The following ADAMTS2 variants were observed in gnomAD, a reference collection of about 807,000 sequenced individuals.
ADAMTS2 encodes the protein A disintegrin and metalloproteinase with thrombospondin motifs 2.
Under a neutral mutation model 123.0 loss-of-function variants are expected in ADAMTS2, and 50 were observed. That is an observed-to-expected ratio of 0.41 (90% CI 0.32 to 0.51). ADAMTS2 has a LOEUF of 0.51. Among genes scored for constraint, ADAMTS2 ranks in the 20% least tolerant of loss-of-function variants. The pLI, the probability that ADAMTS2 is intolerant of heterozygous loss-of-function variation, is 0.35. For synonymous variants in ADAMTS2, 678 were observed against 695.4 expected (o/e 0.98, Z 0.39); for missense variants, 1,494 against 1,705.2 (o/e 0.88, Z 2.18).
Position 179,303,094 on chromosome 5 carries a change from T to C in ADAMTS2, c.535-30030A>G, listed in dbSNP as rs1756577738. 6.6e-6 allele frequency among the ~76,000 whole-genome samples: 1 copy of C among 151,956 alleles called. No homozygotes were observed. The highest frequency in any genetic ancestry group is 6.5e-5 in the Admixed American group (1 of 15,272). ...AGATTGGATTTTCTCCTCTGTGCAG[T>C]GGGCAGCCCCTGGAGGGTGGAAGAG... On this transcript the variant is annotated intron_variant, in intron 2 of 21. Transcript: ENST00000251582. This position sits in a 1 kb window ranked among gnomAD's most constrained non-coding sequence, Gnocchi z 4.7.
At position 179,197,543 on chromosome 5, in the gene ADAMTS2, GC is replaced by G. The variant is rs879476276; in HGVS notation, c.891+9969del. 1.3e-5 allele frequency among the ~76,000 whole-genome samples: 2 copies of G among 152,094 alleles called. No homozygotes were observed. The highest frequency in any genetic ancestry group is 2.9e-5 in the Non-Finnish European group (2 of 68,018). On this transcript the variant is annotated intron_variant, in intron 4 of 21. Transcript: ENST00000251582. This position sits in a 1 kb window ranked among gnomAD's most constrained non-coding sequence, Gnocchi z 4.2. The stretch of plus-strand genomic sequence containing the variant: ...CCCAGGTGATTGAGTCCACCATGCA[GC>G]ATAGCATGAACCTGTCTCTAAAACA...
At chr5:179,320,889 A>G (rs1036666598) in intron 2 of ADAMTS2, among the ~76,000 whole-genome samples, 2 of 152,194 alleles carry the variant, frequency 1.3e-5, no homozygotes, top group Non-Finnish European at 2.9e-5. Context: ...AGCTGCCTGC[A>G]TCCATTTTTC....
At chr5:179,173,767 G>T (rs1763874139) in intron 5 of ADAMTS2, among the ~76,000 whole-genome samples, 1 of 152,154 alleles carries the variant, frequency 6.6e-6, no homozygotes, top group African/African-American at 2.4e-5. Context: ...CATAACCCCA[G>T]CACTTTGGGA....
chr5:179,181,192 G>A lies in ADAMTS2; in HGVS notation c.892-37C>T, dbSNP rs779440101. ...AGGGAGGCATCAGCGGGAACCACAG[G>A]CCCTAGGACTGGCTCTGGCTCTGCC... On this transcript the variant is annotated intron_variant, in intron 4 of 21. Transcript: ENST00000251582. This position sits in a 1 kb window ranked among gnomAD's most constrained non-coding sequence, Gnocchi z 4.1. 5 of 1,489,756 alleles carry A rather than the reference G, an allele frequency of 3.4e-6. No individual in the cohort carries two copies. Among genetic ancestry groups the A allele is most frequent in the Non-Finnish European group, 3.7e-6 (4 of 1,067,208 alleles). The allele number at this position is 1,489,756 out of a possible 1,614,324, so 92.3% of individuals were successfully genotyped here.
In ADAMTS2 at chr5:179,312,038, C is replaced by T. The variant is rs1481809292; in HGVS notation, c.534+31729G>A. ...CCGCTAAGGGCATACTCTAGACCCT[C>T]TGCCCCAGGCTAATGTTAGAAGCTG... On this transcript the variant is annotated intron_variant, in intron 2 of 21. Coordinates refer to ENST00000251582, the MANE Select transcript of ADAMTS2 (RefSeq NM_014244.5). The surrounding 1 kb of genome is among the most constrained non-coding windows in gnomAD (Gnocchi z 4.2). Among the ~76,000 whole-genome samples, 1 of 152,226 alleles carries T rather than the reference C, an allele frequency of 6.6e-6. No homozygotes were observed. Among genetic ancestry groups the T allele is most frequent in the Non-Finnish European group, 1.5e-5 (1 of 68,048 alleles).
intron 3 of ADAMTS2, among the ~76,000 whole-genome samples, chr5:179,237,339 T>C (rs1408635406): frequency 6.6e-6 from 1 of 152,162 alleles, no homozygotes; most frequent in East Asian, 1.9e-4. Context: ...TTGCAATGCA[T>C]GAAGACAAAG....
At position 179,285,346 on chromosome 5, in the gene ADAMTS2, C is replaced by G. The variant is rs413912; in HGVS notation, c.535-12282G>C. Among the ~76,000 whole-genome samples the G allele has an allele frequency of 0.17, 26,019 of 152,224 alleles. 2,662 individuals carry two copies. Among genetic ancestry groups the G allele is most frequent in the South Asian group, 0.28 (1,328 of 4,824 alleles). ...GGGGAAAATGGAATAAACAAGATGCCGACAAGAATGCCTCACGGGGCCAGC... is the reference window on the plus strand; with the variant it reads ...GGGGAAAATGGAATAAACAAGATGCGGACAAGAATGCCTCACGGGGCCAGC... On this transcript the variant is annotated intron_variant, in intron 2 of 21. Coordinates refer to ENST00000251582, the MANE Select transcript of ADAMTS2 (RefSeq NM_014244.5). The surrounding 1 kb of genome is among the most constrained non-coding windows in gnomAD (Gnocchi z 4.9).
rs1381717388 is a variant in ADAMTS2, at chr5:179,312,037, T to G, written c.534+31730A>C. Among the ~76,000 whole-genome samples, 3 of 152,186 alleles carry G rather than the reference T, an allele frequency of 2.0e-5. No individual in the cohort carries two copies. The highest frequency in any genetic ancestry group is 1.3e-4 in the Admixed American group (2 of 15,280). On this transcript the variant is annotated intron_variant, in intron 2 of 21. Transcript: ENST00000251582. This position sits in a 1 kb window ranked among gnomAD's most constrained non-coding sequence, Gnocchi z 4.2. ...GCCGCTAAGGGCATACTCTAGACCC[T>G]CTGCCCCAGGCTAATGTTAGAAGCT...
chr5:179,297,802 T>C (rs578119199), intron 2 of ADAMTS2, among the ~76,000 whole-genome samples: 19 of 152,252 alleles, frequency 1.2e-4, no homozygotes, highest in African/African-American at 4.6e-4. Context: ...TCGCCTCCCC[T>C]GCTGCGTCTT....
Position 179,158,618 on chromosome 5 carries a change from C to T in ADAMTS2, c.1132+105G>A, listed in dbSNP as rs948160503. 76 of 1,529,818 alleles carry T rather than the reference C, an allele frequency of 5.0e-5. No individual in the cohort carries two copies. In the South Asian group the frequency reaches 6.0e-4, roughly 12 times the overall value. 94.8% of individuals were successfully genotyped at this position (1,529,818 alleles called of 1,614,324 possible). A position where few individuals can be genotyped will look rare whatever the true frequency, so the allele number is the denominator to read the frequency against. ...TAAGGTGGCCACGGCCTTCCCTGCC[C>T]TGACACTCTTCCCTGGGCTGGGCCA... On this transcript the variant is annotated intron_variant, in intron 6 of 21. Coordinates refer to ENST00000251582, the MANE Select transcript of ADAMTS2 (RefSeq NM_014244.5). This position sits in a 1 kb window ranked among gnomAD's most constrained non-coding sequence, Gnocchi z 5.0.
intron 10 of ADAMTS2, among the ~76,000 whole-genome samples, chr5:179,149,427 AGC>A (rs1323715816): frequency 1.3e-5 from 2 of 152,194 alleles, no homozygotes; most frequent in African/African-American, 4.8e-5. Context: ...CTGTTAGAGC[AGC>A]CGAAGCTGAG....
intron 2 of ADAMTS2, among the ~76,000 whole-genome samples, chr5:179,280,016 G>C (rs1467773760): frequency 1.3e-5 from 2 of 152,206 alleles, no homozygotes; most frequent in Non-Finnish European, 2.9e-5. Flanking sequence ...CCCTTGTCTA[G>C]GGCTCTGTCT....
chr5:179,249,769 T>C (rs567805770), intron 3 of ADAMTS2, among the ~76,000 whole-genome samples: 1 of 152,134 alleles, frequency 6.6e-6, no homozygotes, highest in East Asian at 1.9e-4. Context: ...AAACTCCCAA[T>C]AAAGAAAAAC....
chr5:179,319,056 A>C (rs1757082784), intron 2 of ADAMTS2, among the ~76,000 whole-genome samples: 1 of 152,182 alleles, frequency 6.6e-6, no homozygotes, highest in South Asian at 2.1e-4. Context: ...CCCTCAACAC[A>C]CAGGCCCCCA....
Position 179,320,387 on chromosome 5 carries a change from G to A in ADAMTS2, c.534+23380C>T, listed in dbSNP as rs561571621. Reference sequence around the variant, plus strand: ...CAGTGGCACGATCTTGACTCACTGCGAGCTCCACCTCCTGGGTTCACACCA... The same window carrying A: ...CAGTGGCACGATCTTGACTCACTGCAAGCTCCACCTCCTGGGTTCACACCA... On this transcript the variant is annotated intron_variant, in intron 2 of 21. Coordinates refer to ENST00000251582, the MANE Select transcript of ADAMTS2 (RefSeq NM_014244.5). Among the ~76,000 whole-genome samples the A allele has an allele frequency of 1.1e-4, 16 of 152,170 alleles. No homozygotes were observed. The South Asian group carries it at 1.2e-3, about 12-fold the overall frequency.
At chr5:179,344,688 C>G (rs1757888756) in intron 1 of ADAMTS2, among the ~76,000 whole-genome samples, 1 of 152,234 alleles carries the variant, frequency 6.6e-6, no homozygotes, top group Non-Finnish European at 1.5e-5. Flanking sequence ...CCAGCTCCCG[C>G]TCAGCCCGCT....
In ADAMTS2 at chr5:179,228,046, GGGA is replaced by G. The variant is rs955788105; in HGVS notation, c.689-20334_689-20332del. On this transcript the variant is annotated intron_variant, in intron 3 of 21. Coordinates refer to ENST00000251582, the MANE Select transcript of ADAMTS2 (RefSeq NM_014244.5). The surrounding 1 kb of genome is among the most constrained non-coding windows in gnomAD (Gnocchi z 5.2). ...AAGGGACCCTCGGGAGGAGCCGCGT[GGGA>G]GGAGGAGAAGGCCGTGTGGGGCGTG... 1.1e-4 allele frequency among the ~76,000 whole-genome samples: 16 copies of G among 152,168 alleles called. No individual in the cohort carries two copies. Among genetic ancestry groups the G allele is most frequent in the African/African-American group, 3.1e-4 (13 of 41,452 alleles).
intron 10 of ADAMTS2, among the ~76,000 whole-genome samples, chr5:179,149,126 A>G (rs1163050642): frequency 6.6e-6 from 1 of 152,152 alleles, no homozygotes; most frequent in Non-Finnish European, 1.5e-5. Flanking sequence ...CTGTGGCCTG[A>G]GTGCGTGTGT....
At chr5:179,159,577 A>T (rs56952622) in intron 5 of ADAMTS2, among the ~76,000 whole-genome samples, 1,785 of 152,296 alleles carry the variant, frequency 0.012, 36 homozygotes, top group African/African-American at 0.04. Context: ...AGCCCCCGGG[A>T]ACCATCCCAT....
Sources: allele counts gnomAD v4.1 joint callset (sites outside exome capture counted in the v4.1 genomes callset), GRCh38; gene constraint gnomAD v4.1.1; non-coding constraint Gnocchi (gnomAD v3.1); transcripts MANE v1.5; gene names NCBI Gene and HGNC (gene_info 2026-07-23, HGNC 2026-07-21).